The following SVIL variants were observed in gnomAD, a reference collection of about 807,000 sequenced individuals.
SVIL encodes the protein supervillin, also known as archvillin.
SVIL carries 101 observed loss-of-function variants against 240.4 expected under a neutral mutation model. The ratio of observed to expected loss-of-function variants is 0.42; its 90% CI spans 0.36 to 0.50. The LOEUF (loss-of-function observed/expected upper bound fraction) is 0.50. Ranked by LOEUF, SVIL falls within the 20% of genes least tolerant of loss-of-function variation. The probability of loss-of-function intolerance (pLI) is 0.01; values close to 1 mark genes in which losing one functional copy is unlikely to be tolerated. For synonymous variants in SVIL, 999 were observed against 1,100.0 expected, an observed-to-expected ratio of 0.91 and a Z score of 1.82; for missense variants, 2,512 against 2,818.7, an observed-to-expected ratio of 0.89 and a Z score of 2.46.
intron 30 of SVIL, among the ~76,000 whole-genome samples, 192 bp from the exon 31 acceptor site, chr10:29,471,435 G>C (rs1454131544): frequency 6.6e-6 from 1 of 151,956 alleles, no homozygotes; most frequent in Non-Finnish European, 1.5e-5. Context: ...GTTACTCAGG[G>C]AGGGTCTTCT....
intron 5 of SVIL, among the ~76,000 whole-genome samples, chr10:29,553,118 CTTT>C (rs4018662): frequency 1.5e-5 from 2 of 135,560 alleles, no homozygotes; most frequent in Non-Finnish European, 1.6e-5. Context: ...CAAGCCCAGC[CTTT>C]TTTTTTTTTT....
intron 30 of SVIL, among the ~76,000 whole-genome samples, 190 bp from the exon 31 acceptor site, chr10:29,471,433 G>A (rs1588851604): frequency 7.7e-6 from 1 of 130,020 alleles, no homozygotes; most frequent in Non-Finnish European, 1.7e-5. Flanking sequence ...GTGTTACTCA[G>A]GGAGGGTCTT....
chr10:29,506,698 C>CCCTACGAGGGAGGGGACAGAGGG (rs1949336119), intron 17 of SVIL, among the ~76,000 whole-genome samples: 1 of 108,098 alleles, frequency 9.3e-6, no homozygotes, highest in Admixed American at 8.8e-5. Context: ...GGGACAGAGG[C>CCCTACGAGGGAGGGGACAGAGGG]CCTACGAGGG....
At chr10:29,580,810 C>A in intron 1 of SVIL, among the ~76,000 whole-genome samples, 1 of 152,062 alleles carries the variant, frequency 6.6e-6, no homozygotes. Flanking sequence ...GGGACCACGC[C>A]TGGCTATTTT....
At chr10:29,470,729 G>A (rs1212627331) in intron 31 of SVIL, among the ~76,000 whole-genome samples, 1 of 152,122 alleles carries the variant, frequency 6.6e-6, no homozygotes, top group African/African-American at 2.4e-5. Context: ...AGTCCACAAT[G>A]TAGAAAAGCC....
intron 1 of SVIL, among the ~76,000 whole-genome samples, chr10:29,609,108 T>TGTCAC (rs1957137953): frequency 6.6e-6 from 1 of 152,240 alleles, no homozygotes; most frequent in Non-Finnish European, 1.5e-5. Context: ...ACAGCTGTTC[T>TGTCAC]GTCACTCAAT....
intron 1 of SVIL, among the ~76,000 whole-genome samples, chr10:29,619,742 A>T (rs1336499302): frequency 6.6e-6 from 1 of 152,264 alleles, no homozygotes; most frequent in Non-Finnish European, 1.5e-5. Flanking sequence ...GCATAAGCTG[A>T]GGGTTGATTT....
At chr10:29,621,818 C>T (rs1957653969) in intron 1 of SVIL, among the ~76,000 whole-genome samples, 1 of 151,218 alleles carries the variant, frequency 6.6e-6, no homozygotes, top group Admixed American at 6.6e-5. Context: ...TGAGGAAAAG[C>T]TAAATATATG....
chr10:29,606,493 C>T (rs1957027755), intron 1 of SVIL, among the ~76,000 whole-genome samples: 1 of 152,156 alleles, frequency 6.6e-6, no homozygotes, highest in African/African-American at 2.4e-5. Flanking sequence ...GACTCTGTCT[C>T]TCAACAAAAT....
At position 29,462,268 on chromosome 10, in the gene SVIL, C is replaced by T. The variant is rs199734355; in HGVS notation, c.6402+9G>A. The T allele has an allele frequency of 1.1e-5, 17 of 1,613,532 alleles. No homozygotes were observed. The highest frequency in any genetic ancestry group is 8.9e-5 in the East Asian group (4 of 44,864). On this transcript the variant is annotated intron_variant, in intron 36 of 37. Coordinates refer to ENST00000355867, the MANE Select transcript of SVIL (RefSeq NM_021738.3). ...GAGCCACCTTCATAGGGCAGGAAAG[C>T]GTGCTCACCATCTCTGTGATCTCAG...
chr10:29,500,210 G>T lies in SVIL; in HGVS notation c.3517-947C>A, dbSNP rs563992289. Reference sequence around the variant, plus strand: ...ATGTGTATTGGGGAGAAGAGTGTAGGTGGTGGTCGCGGGCGATACCAGGGC... The same window carrying T: ...ATGTGTATTGGGGAGAAGAGTGTAGTTGGTGGTCGCGGGCGATACCAGGGC... On this transcript the variant is annotated intron_variant, in intron 17 of 37. Coordinates refer to ENST00000355867, the MANE Select transcript of SVIL (RefSeq NM_021738.3). Among the ~76,000 whole-genome samples, 528 of 132,542 alleles carry T rather than the reference G, an allele frequency of 4.0e-3. 4 individuals are homozygous for T. The highest frequency in any genetic ancestry group is 5.0e-3 in the Middle Eastern group (1 of 202). The allele number at this position is 132,542 out of a possible 152,430, so 87.0% of individuals were successfully genotyped here.
chr10:29,645,490 A>G (rs1054706497), intron 3 of SVIL, among the ~76,000 whole-genome samples: 9 of 152,148 alleles, frequency 5.9e-5, no homozygotes, highest in Non-Finnish European at 1.2e-4. Context: ...GGGTTGCTTG[A>G]ACCCGGGAGG....
At chr10:29,642,445 AAG>A (rs1958518256) in intron 3 of SVIL, among the ~76,000 whole-genome samples, 1 of 125,590 alleles carries the variant, frequency 8.0e-6, no homozygotes, top group Non-Finnish European at 1.6e-5. Context: ...GAAAGAAAGA[AAG>A]AAAGAAAGAA....
At chr10:29,570,752 A>G (rs1250816196) in intron 1 of SVIL, among the ~76,000 whole-genome samples, 1 of 152,248 alleles carries the variant, frequency 6.6e-6, no homozygotes, top group Non-Finnish European at 1.5e-5. Context: ...GTGGTTTAGT[A>G]GTAACTTTAA....
chr10:29,579,057 A>G (rs1955824448), intron 1 of SVIL, among the ~76,000 whole-genome samples: 1 of 152,198 alleles, frequency 6.6e-6, no homozygotes, highest in Non-Finnish European at 1.5e-5. Context: ...CTTCGTTACT[A>G]TGTGTATTCC....
At chr10:29,494,813 A>G in intron 20 of SVIL, 101 bp downstream of exon 20, 2 of 1,095,830 alleles carry the variant, frequency 1.8e-6, no homozygotes, top group Non-Finnish European at 2.7e-6. Context: ...TTCTCTAATC[A>G]GTCTTGACCA....
Position 29,457,432 on chromosome 10 carries a change from A to G in SVIL, c.*815T>C, listed in dbSNP as rs747955944. ...GACATGTGTACTGTTTACAACCGGT[A>G]TTAGAAATTGAGATGTTTTTATTTT... On this transcript the variant is annotated 3_prime_UTR_variant, in exon 38 of 38. Transcript: ENST00000355867. The G allele has an allele frequency of 2.6e-5, 4 of 152,392 alleles. No individual in the cohort carries two copies. Among genetic ancestry groups the G allele is most frequent in the Non-Finnish European group, 4.4e-5 (3 of 68,034 alleles). The allele number at this position is 152,392 out of a possible 1,614,324, so 9.4% of individuals were successfully genotyped here. A position where few individuals can be genotyped will look rare whatever the true frequency, so the allele number is the denominator to read the frequency against.
At chr10:29,534,372 G>A (rs908351062) in intron 7 of SVIL, among the ~76,000 whole-genome samples, 19 of 152,086 alleles carry the variant, frequency 1.2e-4, no homozygotes, top group African/African-American at 2.7e-4. Context: ...GTGCAGTGGC[G>A]TGTGCCTGTA....
chr10:29,480,535 A>G lies in SVIL; in HGVS notation c.5377+2T>C. The G allele has an allele frequency of 6.2e-7, 1 of 1,611,196 alleles. No homozygotes were observed. Among genetic ancestry groups the G allele is most frequent in the South Asian group, 1.1e-5 (1 of 90,992 alleles). ...TGGAAAAAACCACAAGCGCTCACTA[A>G]CCTGCCGTGCTCACCATGAACTTCC... On this transcript the variant is annotated splice_donor_variant, in intron 29 of 37. Coordinates refer to ENST00000355867, the MANE Select transcript of SVIL (RefSeq NM_021738.3). LOFTEE classifies it high-confidence loss of function.
Sources: gnomAD v4.1 joint callset for allele counts (sites outside exome capture counted in the v4.1 genomes callset) on GRCh38, gnomAD v4.1.1 for gene constraint, MANE v1.5 for transcripts, NCBI Gene and HGNC (gene_info 2026-07-23, HGNC 2026-07-21) for gene names.